The following FAT2 variants were observed in gnomAD, a reference collection of about 807,000 sequenced individuals.
FAT2 encodes FAT atypical cadherin 2, also known as protocadherin Fat 2.
FAT2 carries 150 observed loss-of-function variants against 295.3 expected under a neutral mutation model. The observed-to-expected ratio is 0.51, with a 90% CI of 0.44 to 0.58. The LOEUF is 0.58. Among genes scored for constraint, FAT2 ranks in the 20% least tolerant of loss-of-function variants. The pLI, the probability that FAT2 is intolerant of heterozygous loss-of-function variation, is 0.00. For synonymous variants in FAT2, 2,026 were observed against 2,150.3 expected, an observed-to-expected ratio of 0.94 and a Z score of 1.60; for missense variants, 4,868 against 5,442.7, an observed-to-expected ratio of 0.89 and a Z score of 3.32.
intron 19 of FAT2, among the ~76,000 whole-genome samples, chr5:151,519,355 C>CA (rs1374497682): frequency 2.0e-5 from 3 of 152,108 alleles, no homozygotes; most frequent in Non-Finnish European, 4.4e-5. Context: ...AAAACAAAAA[C>CA]AAAAATCCAA....
intron 12 of FAT2, among the ~76,000 whole-genome samples, chr5:151,535,024 C>T (rs1581362290): frequency 8.9e-6 from 1 of 111,970 alleles, no homozygotes; most frequent in Non-Finnish European, 2.0e-5. Context: ...AAAAATCAAC[C>T]CAAAGATAAA....
At chr5:151,529,437 T>C in intron 14 of FAT2, 45 bp from the exon 15 acceptor site, 1 of 1,567,370 alleles carries the variant, frequency 6.4e-7, no homozygotes, top group Non-Finnish European at 8.8e-7. Context: ...AGTTGGGCCC[T>C]CAAAGGCGCA....
Position 151,521,773 on chromosome 5 carries a change from C to G in FAT2, c.10820G>C (p.Gly3607Ala), listed in dbSNP as rs748974338. The G allele has an allele frequency of 1.2e-6, 2 of 1,614,172 alleles. No homozygotes were observed. ...HYSFNVTVSD[G>A]TFTTTAGVHV... ...GACCCCAGCAGTCGTGGTGAAGGTC[C>G]CATCGCTGACCGTGACGTTGAACGA... is the stretch of plus-strand genomic sequence containing the variant. The change falls in exon 19 of 24, where the codon GGG becomes GCG. Residue 3607 changes from glycine to alanine, a missense_variant. This residue lies in a region of FAT2 where 1,046 missense variants were observed against 1,210.1 expected (regional missense o/e 0.86). Coordinates refer to ENST00000261800, the MANE Select transcript of FAT2 (RefSeq NM_001447.3).
chr5:151,570,531 G>T (rs10463244), intron 1 of FAT2, among the ~76,000 whole-genome samples: 52,998 of 152,094 alleles, frequency 0.35, 9,406 homozygotes, highest in South Asian at 0.5. Flanking sequence ...TTCCCACAGA[G>T]CCCATCCCCG....
intron 16 of FAT2, 82 bp downstream of exon 16, chr5:151,527,914 C>T: frequency 6.5e-7 from 1 of 1,538,614 alleles, no homozygotes; most frequent in Non-Finnish European, 8.8e-7. Context: ...GGGGTCTTGA[C>T]AGCGATTCAT....
chr5:151,511,584 G>A (rs1761327786), intron 21 of FAT2: 1 of 154,014 alleles, frequency 6.5e-6, no homozygotes. Flanking sequence ...GTGCGAGGGT[G>A]GAGAGGGAAA....
rs759291530 is a variant in FAT2 at position 151,545,837 on chromosome 5, C to T, written c.5290G>A (p.Val1764Met). 1 of 1,614,090 alleles carries T rather than the reference C, an allele frequency of 6.2e-7. No homozygotes were observed. Among genetic ancestry groups the T allele is most frequent in the African/African-American group, 1.3e-5 (1 of 74,934 alleles). ...NAPMFLKSTF[V>M]GQISEAAPLY... ...GGAGCTGCTTCACTAATTTGGCCCA[C>T]AAAAGTTGACTTTAAGAACATAGGA... is the stretch of plus-strand genomic sequence containing the variant. The change falls in exon 10 of 24, where the codon GTG (valine) becomes ATG (methionine). Residue 1764 changes from valine (V) to methionine (M), a missense_variant. Around this residue, in one of 5 missense-constraint regions of FAT2, gnomAD observed 3,297 missense variants for 3,669.4 expected, o/e 0.90. Coordinates refer to ENST00000261800, the MANE Select transcript of FAT2 (RefSeq NM_001447.3).
chr5:151,545,219 G>A lies in FAT2; in HGVS notation c.5908C>T (p.Gln1970Ter). Residue 1970 changes from glutamine (Q) to a stop codon, truncating the protein, a stop_gained, in exon 10 of 24, where the codon CAG (glutamine) becomes TAG (stop). Coordinates refer to ENST00000261800, the MANE Select transcript of FAT2 (RefSeq NM_001447.3). LOFTEE classifies it high-confidence loss of function. ...TTCACAGCTGCCCAGTAGACATCCT[G>A]ATCAAACTGCAAGCTTTTGTCAAGC... is the stretch of plus-strand genomic sequence containing the variant. ...QVLDKSLQFD[Q>*]DVYWAAVKEN... 1 of 1,614,138 alleles carries A rather than the reference G, an allele frequency of 6.2e-7. No homozygotes were observed. The highest frequency in any genetic ancestry group is 8.5e-7 in the Non-Finnish European group (1 of 1,180,026).
In FAT2 at chr5:151,543,600, A is replaced by G. The variant is rs143125183; in HGVS notation, c.7527T>C (p.Asp2509=). 356 of 1,614,212 alleles carry G rather than the reference A, an allele frequency of 2.2e-4. No individual in the cohort carries two copies. In the African/African-American group the frequency reaches 3.5e-3, roughly 16 times the overall value. ...KVIDLLAIDK[D]SGPYGTIDYT... is the part of the protein sequence containing the mutation. ...AATCTATAGTGCCATAGGGACCACT[A>G]TCTTTGTCTATGGCTAGCAAATCAA... The change falls in exon 10 of 24, where the codon GAT becomes GAC. Residue 2509 remains aspartate (D), a synonymous_variant. Transcript: ENST00000261800.
Position 151,560,451 on chromosome 5 carries a change from TCCTC to T in FAT2, c.3574+2870_3574+2873del, listed in dbSNP as rs746770284. Among the ~76,000 whole-genome samples, 5 of 152,254 alleles carry T rather than the reference TCCTC, an allele frequency of 3.3e-5. No homozygotes were observed. The East Asian group carries it at 7.7e-4, about 24-fold the overall frequency. ...ATTGTCTTCAACAAGATCAGGGTCT[TCCTC>T]CCTCTCAGATAGCACCTGTGTCGTC... On this transcript the variant is annotated intron_variant, in intron 3 of 23. Coordinates refer to ENST00000261800, the MANE Select transcript of FAT2 (RefSeq NM_001447.3).
In FAT2 at chr5:151,563,515, C is replaced by A. The variant is rs137865400; in HGVS notation, c.3384G>T (p.Thr1128=). Residue 1128 remains threonine (T), a synonymous_variant, in exon 3 of 24, where the codon ACG becomes ACT. Transcript: ENST00000261800. ...SSVTEVYIEV[T]DANDNPPQMS... is the part of the protein sequence containing the mutation. The stretch of plus-strand genomic sequence containing the variant: ...TCTGGGGTGGGTTGTCATTGGCATC[C>A]GTAACCTCGATGTAGACTTCAGTTA... 2.1e-3 allele frequency: 3,438 copies of A among 1,614,122 alleles called. 11 individuals are homozygous for A. The highest frequency in any genetic ancestry group is 2.8e-3 in the Non-Finnish European group (3,256 of 1,180,022).
At chr5:151,552,566 C>T (rs1472218499) in intron 6 of FAT2, among the ~76,000 whole-genome samples, 1 of 152,160 alleles carries the variant, frequency 6.6e-6, no homozygotes, top group Non-Finnish European at 1.5e-5. Context: ...TGCAGATTTA[C>T]ATTTGTGTGT....
chr5:151,511,033 G>T (rs1308188312), intron 21 of FAT2: 1 of 152,344 alleles, frequency 6.6e-6, no homozygotes, highest in Non-Finnish European at 1.5e-5. Flanking sequence ...CCATGCACAG[G>T]TCTGTGCTGG....
At chr5:151,525,687 A>G in intron 18 of FAT2, 81 bp downstream of exon 18, 2 of 1,517,864 alleles carry the variant, frequency 1.3e-6, no homozygotes, top group Non-Finnish European at 1.8e-6. Flanking sequence ...TTTTTCCCTA[A>G]TGACAGAAGC....
chr5:151,525,980 G>A lies in FAT2; in HGVS notation c.10309-15C>T, dbSNP rs2127584843. ...GGGGAGTTCTCCTGAGACCGAGAGT[G>A]ACAAAGAAGGCAAAGAGCAGAATGA... is the stretch of plus-strand genomic sequence containing the variant. On this transcript the variant is annotated splice_polypyrimidine_tract_variant and intron_variant, in intron 17 of 23. Transcript: ENST00000261800. 1 of 1,612,840 alleles carries A rather than the reference G, an allele frequency of 6.2e-7. No homozygotes were observed. Among genetic ancestry groups the A allele is most frequent in the Non-Finnish European group, 8.5e-7 (1 of 1,179,342 alleles).
intron 1 of FAT2, among the ~76,000 whole-genome samples, chr5:151,585,021 C>T (rs529638282): frequency 6.6e-6 from 1 of 152,332 alleles, no homozygotes; most frequent in Non-Finnish European, 1.5e-5. Context: ...CTAAATTAGG[C>T]TGCCCCTGAA....
Position 151,568,477 on chromosome 5 carries a change from G to C in FAT2, c.455C>G (p.Ser152Trp), listed in dbSNP as rs780802388. Residue 152 changes from serine to tryptophan, a missense_variant, in exon 2 of 24, where the codon TCG becomes TGG. By Grantham distance (177) the Ser-to-Trp change is radical. Around this residue, in one of 5 missense-constraint regions of FAT2, gnomAD observed 3,297 missense variants for 3,669.4 expected, o/e 0.90. Coordinates refer to ENST00000261800, the MANE Select transcript of FAT2 (RefSeq NM_001447.3). ...GTCCTCAGAGATGGTGACTCTGTACGAAGGTGGAGAGAAGAGAGGCTTCAG... is the reference window on the plus strand; with the variant it reads ...GTCCTCAGAGATGGTGACTCTGTACCAAGGTGGAGAGAAGAGAGGCTTCAG... ...NDLKPLFSPP[S>W]YRVTISEDMP... The C allele has an allele frequency of 6.2e-7, 1 of 1,614,154 alleles. No individual in the cohort carries two copies. The highest frequency in any genetic ancestry group is 8.5e-7 in the Non-Finnish European group (1 of 1,180,032).
At chr5:151,586,518 TGGAATATCA>T (rs1399943649) in intron 1 of FAT2, among the ~76,000 whole-genome samples, 1 of 152,140 alleles carries the variant, frequency 6.6e-6, no homozygotes, top group Non-Finnish European at 1.5e-5. Context: ...TGGGTAGTGG[TGGAATATCA>T]GGCACTGTGG....
At position 151,531,665 on chromosome 5, in the gene FAT2, G is replaced by C. The variant is rs776326390; in HGVS notation, c.9733C>G (p.Arg3245Gly). 1 of 1,613,768 alleles carries C rather than the reference G, an allele frequency of 6.2e-7. No individual in the cohort carries two copies. Among genetic ancestry groups the C allele is most frequent in the Non-Finnish European group, 8.5e-7 (1 of 1,179,916 alleles). Reference protein sequence around the residue: ...TEVLQLATLTRPGAEKTGYRV... With the variant: ...TEVLQLATLTGPGAEKTGYRV... The stretch of plus-strand genomic sequence containing the variant: ...TAGCCGGTCTTCTCTGCGCCCGGGC[G>C]AGTGAGGGTGGCCAGCTGCAGCACC... The change falls in exon 14 of 24, where the codon CGC becomes GGC. Residue 3245 changes from arginine (R) to glycine (G), a missense_variant. By Grantham distance (125) the Arg-to-Gly change is moderately radical (BLOSUM62 -2). Around this residue, in one of 5 missense-constraint regions of FAT2, gnomAD observed 1,046 missense variants for 1,210.1 expected, o/e 0.86. Coordinates refer to ENST00000261800, the MANE Select transcript of FAT2 (RefSeq NM_001447.3). The surrounding 1 kb of genome is among the most constrained non-coding windows in gnomAD (Gnocchi z 5.7).
Sources: gnomAD v4.1 joint callset for allele counts (sites outside exome capture counted in the v4.1 genomes callset) on GRCh38, gnomAD v4.1.1 for gene constraint, gnomAD v4.1.1 regional missense constraint, Gnocchi (gnomAD v3.1) non-coding constraint, MANE v1.5 for transcripts, NCBI Gene and HGNC (gene_info 2026-07-23, HGNC 2026-07-21) for gene names.